XPR1: variants seen among roughly 807,000 people sequenced by gnomAD.
The protein encoded by XPR1 is xenotropic and polytropic retrovirus receptor 1.
A neutral mutation model predicts 87.5 loss-of-function variants in XPR1; 28 were observed. The ratio of observed to expected loss-of-function variants is 0.32; its 90% CI spans 0.24 to 0.44. The LOEUF is 0.44. XPR1 is among the 20% of genes least tolerant of loss of function. The pLI, the probability that XPR1 is intolerant of heterozygous loss-of-function variation, is 1.00. For synonymous variants in XPR1, 300 were observed against 306.1 expected (o/e 0.98, Z 0.21); for missense variants, 559 against 862.3 (o/e 0.65, Z 4.41).
At position 180,766,085 on chromosome 1, in the gene XPR1, A is replaced by ACTTT. The variant is rs1648273104; in HGVS notation, c.122-21666_122-21665insTTCT. On this transcript the variant is annotated intron_variant, in intron 2 of 14. Transcript: ENST00000367590. ...AACTTAACTTTTCTTTTCCTGGTCC[A>ACTTT]CTATCTCTGTCATCATTCCCTCCTG... Among the ~76,000 whole-genome samples, 10 of 152,118 alleles carry ACTTT rather than the reference A, an allele frequency of 6.6e-5. No individual in the cohort carries two copies. In the South Asian group the frequency reaches 1.9e-3, roughly 28 times the overall value.
intron 1 of XPR1, among the ~76,000 whole-genome samples, chr1:180,659,809 G>A (rs914316539): frequency 2.7e-5 from 4 of 150,666 alleles, no homozygotes; most frequent in South Asian, 2.1e-4. Context: ...GAGCCACCAC[G>A]CCCAGCCTAG....
chr1:180,734,971 A>G (rs1463591925), intron 2 of XPR1, among the ~76,000 whole-genome samples: 9 of 152,236 alleles, frequency 5.9e-5, no homozygotes, highest in Admixed American at 5.2e-4. Context: ...GATGTGCATA[A>G]TTAGTAGAAT....
chr1:180,855,147 T>C (rs550273593), intron 11 of XPR1, among the ~76,000 whole-genome samples: 1 of 152,114 alleles, frequency 6.6e-6, no homozygotes, highest in Non-Finnish European at 1.5e-5. Context: ...TTCAATTTGC[T>C]CTACTCTAAA....
intron 2 of XPR1, among the ~76,000 whole-genome samples, chr1:180,776,032 T>G (rs924300399): frequency 6.6e-6 from 1 of 152,162 alleles, no homozygotes; most frequent in Non-Finnish European, 1.5e-5. Context: ...GTTGTTGCCA[T>G]TTTGGATCCC....
intron 2 of XPR1, among the ~76,000 whole-genome samples, chr1:180,734,337 T>G (rs1160527545): frequency 1.3e-5 from 2 of 152,072 alleles, no homozygotes; most frequent in Admixed American, 6.5e-5. Flanking sequence ...CAACTAAAAT[T>G]AGGAGTTTGT....
chr1:180,857,999 C>T (rs945009866), intron 11 of XPR1, among the ~76,000 whole-genome samples: 1 of 152,078 alleles, frequency 6.6e-6, no homozygotes, highest in Non-Finnish European at 1.5e-5. Flanking sequence ...GGCAGATCAC[C>T]TGAGGTTGGG....
intron 9 of XPR1, among the ~76,000 whole-genome samples, chr1:180,826,369 G>C (rs540876426): frequency 1.3e-5 from 2 of 152,178 alleles, no homozygotes; most frequent in East Asian, 1.9e-4. Flanking sequence ...GGGCAACATG[G>C]TGTAAACCCT....
intron 1 of XPR1, among the ~76,000 whole-genome samples, chr1:180,670,004 G>C (rs1656107699): frequency 6.6e-6 from 1 of 152,042 alleles, no homozygotes; most frequent in Non-Finnish European, 1.5e-5. Flanking sequence ...TTGCTGTATT[G>C]AACCTTTAAA....
chr1:180,632,323 G>A, intron 1 of XPR1, 53 bp downstream of exon 1: 2 of 1,572,372 alleles, frequency 1.3e-6, no homozygotes, highest in Non-Finnish European at 8.6e-7. Context: ...CATCTCGCCA[G>A]TCCTGACGTC....
chr1:180,744,650 C>CTTTTTTTTTTT (rs200044209), intron 2 of XPR1, among the ~76,000 whole-genome samples: 973 of 56,658 alleles, frequency 0.017, 101 homozygotes, highest in African/African-American at 0.051. Flanking sequence ...GGCACAATTT[C>CTTTTTTTTTTT]TTTCTTTTTT....
At chr1:180,728,708 C>G (rs144923924) in intron 2 of XPR1, among the ~76,000 whole-genome samples, 3 of 152,294 alleles carry the variant, frequency 2.0e-5, no homozygotes, top group Admixed American at 6.5e-5. Context: ...AGTTGACTTG[C>G]TCAGTATTCC....
intron 2 of XPR1, among the ~76,000 whole-genome samples, chr1:180,695,352 C>T (rs1657126228): frequency 6.6e-6 from 1 of 151,750 alleles, no homozygotes; most frequent in African/African-American, 2.4e-5. Context: ...GCTGTCTTCA[C>T]TCTGTTGATT....
intron 11 of XPR1, among the ~76,000 whole-genome samples, chr1:180,853,547 A>G (rs1651934001): frequency 6.6e-6 from 1 of 151,176 alleles, no homozygotes; most frequent in Non-Finnish European, 1.5e-5. Context: ...TAAGTTTGAG[A>G]TCTTCCTTGT....
At position 180,697,951 on chromosome 1, in the gene XPR1, C is replaced by T. The variant is rs1225525046; in HGVS notation, c.121+15540C>T. On this transcript the variant is annotated intron_variant, in intron 2 of 14. Transcript: ENST00000367590. ...GTTGGGTGAAATGTTCTATAAGTGT[C>T]TGTTGGGTCCATCTAGTTTAAGTGC... Among the ~76,000 whole-genome samples the T allele has an allele frequency of 2.0e-5, 3 of 152,048 alleles. 1 individual carries two copies. The highest frequency in any genetic ancestry group is 4.1e-4 in the South Asian group (2 of 4,826).
chr1:180,659,228 TCCTTCCTTCCTTCCTTCCTTCCTCCCTC>T (rs771246148), intron 1 of XPR1, among the ~76,000 whole-genome samples: 3,903 of 32,282 alleles, frequency 0.12, 223 homozygotes, highest in Non-Finnish European at 0.19. Flanking sequence ...CTTCCTTCCT[TCCTTCCTTCCTTCCTTCCTTCCTCCCTC>T]CCTCCCTCCC....
chr1:180,724,045 A>G (rs925739002), intron 2 of XPR1, among the ~76,000 whole-genome samples: 1 of 152,244 alleles, frequency 6.6e-6, no homozygotes, highest in African/African-American at 2.4e-5. Flanking sequence ...AACCAGAATT[A>G]CATCCCAATT....
intron 1 of XPR1, among the ~76,000 whole-genome samples, chr1:180,653,726 C>CA (rs1438031243): frequency 6.6e-6 from 1 of 152,170 alleles, no homozygotes; most frequent in Admixed American, 6.5e-5. Flanking sequence ...CCAGAATCAT[C>CA]ACTCTTGTAC....
At chr1:180,683,275 A>T (rs937802796) in intron 2 of XPR1, among the ~76,000 whole-genome samples, 9 of 151,804 alleles carry the variant, frequency 5.9e-5, no homozygotes, top group Admixed American at 2.0e-4. Flanking sequence ...TTCATCCATG[A>T]CCCTACAAAG....
chr1:180,863,600 C>A, intron 11 of XPR1, 108 bp from the exon 12 acceptor site: 1 of 984,918 alleles, frequency 1.0e-6, no homozygotes, highest in Non-Finnish European at 1.4e-6. Flanking sequence ...TAAAGCTTTG[C>A]TTTCTTATGG....
Sources: allele counts gnomAD v4.1 joint callset (sites outside exome capture counted in the v4.1 genomes callset), GRCh38; gene constraint gnomAD v4.1.1; transcripts MANE v1.5; gene names NCBI Gene and HGNC (gene_info 2026-07-23, HGNC 2026-07-21).